Variants in EPHA7 observed in about 807,000 individuals in gnomAD.
EPHA7 encodes the protein ephrin type-A receptor 7.
Under a neutral mutation model 112.6 loss-of-function variants are expected in EPHA7, and 25 were observed. The ratio of observed to expected loss-of-function variants is 0.22; its 90% CI spans 0.16 to 0.31. The LOEUF (loss-of-function observed/expected upper bound fraction) is 0.31, where lower values mean the gene tolerates loss of function less well. EPHA7 is among the 10% of genes least tolerant of loss of function. The pLI is 1.00. For synonymous variants in EPHA7, 437 were observed against 406.5 expected (o/e 1.07, Z -0.90); for missense variants, 962 against 1,212.6 (o/e 0.79, Z 3.07).
In EPHA7 at chr6:93,419,217, A is replaced by G. The variant is rs780742547; in HGVS notation, c.97+28T>C. ...GTAGACATCTAAATAAATAAGTCAG[A>G]ACAAACTTTGCTTTCCCATCACCTT... On this transcript the variant is annotated intron_variant, in intron 1 of 16. Coordinates refer to ENST00000369303, the MANE Select transcript of EPHA7 (RefSeq NM_004440.4). The G allele has an allele frequency of 9.4e-6, 15 of 1,589,998 alleles. No individual in the cohort carries two copies. The South Asian group carries it at 1.5e-4, about 16-fold the overall frequency.
intron 5 of EPHA7, among the ~76,000 whole-genome samples, chr6:93,286,045 C>A (rs887940691): frequency 2.6e-5 from 4 of 152,066 alleles, no homozygotes; most frequent in African/African-American, 9.7e-5. Context: ...TATTACCTGG[C>A]CCTTTTCAGA....
At chr6:93,375,695 G>A (rs1418371645) in intron 3 of EPHA7, among the ~76,000 whole-genome samples, 1 of 150,224 alleles carries the variant, frequency 6.7e-6, no homozygotes, top group Non-Finnish European at 1.5e-5. Context: ...AATCAAAAAA[G>A]TAATGAAAAA....
chr6:93,254,842 T>A, intron 13 of EPHA7, 46 bp from the exon 14 acceptor site: 10 of 1,496,940 alleles, frequency 6.7e-6, no homozygotes, highest in Non-Finnish European at 8.2e-6. Context: ...TAATAACTGA[T>A]ATATTATTTA....
At chr6:93,366,173 T>G (rs1776499053) in intron 3 of EPHA7, among the ~76,000 whole-genome samples, 1 of 152,160 alleles carries the variant, frequency 6.6e-6, no homozygotes, top group African/African-American at 2.4e-5. Context: ...ATTCTAGTAT[T>G]ATTTTTGTCT....
intron 5 of EPHA7, among the ~76,000 whole-genome samples, chr6:93,345,709 A>G (rs1375148567): frequency 6.6e-6 from 1 of 151,798 alleles, no homozygotes; most frequent in African/African-American, 2.4e-5. Context: ...TGTAACTGAC[A>G]GATCTGAAAA....
intron 5 of EPHA7, among the ~76,000 whole-genome samples, chr6:93,330,145 G>A (rs1582532778): frequency 6.6e-6 from 1 of 151,210 alleles, no homozygotes; most frequent in African/African-American, 2.4e-5. Flanking sequence ...TAGGATGAAA[G>A]TGACTCTTTT....
intron 3 of EPHA7, among the ~76,000 whole-genome samples, chr6:93,362,421 A>G (rs1776307072): frequency 6.6e-6 from 1 of 152,092 alleles, no homozygotes; most frequent in South Asian, 2.1e-4. Flanking sequence ...TTTAAATAAT[A>G]TTTTTAATTT....
At chr6:93,283,387 C>T (rs889846186) in intron 5 of EPHA7, among the ~76,000 whole-genome samples, 4 of 152,046 alleles carry the variant, frequency 2.6e-5, no homozygotes, top group East Asian at 1.9e-4. Flanking sequence ...GCAGGCTGCC[C>T]GAGCCAGCAG....
In EPHA7 at chr6:93,340,094, A is replaced by C. The variant is rs57674249; in HGVS notation, c.1324+16623T>G. On this transcript the variant is annotated intron_variant, in intron 5 of 16. Transcript: ENST00000369303. ...CTCTTTGTTTAGCTATATATGCCTGATTATTACAGGAAGTATGTCAATACT... is the reference window on the plus strand; with the variant it reads ...CTCTTTGTTTAGCTATATATGCCTGCTTATTACAGGAAGTATGTCAATACT... Among the ~76,000 whole-genome samples the C allele has an allele frequency of 8.3e-3, 1,262 of 151,954 alleles. 17 individuals carry two copies. Among genetic ancestry groups the C allele is most frequent in the African/African-American group, 0.028 (1,157 of 41,556 alleles).
At chr6:93,255,691 A>T in intron 13 of EPHA7, 137 bp downstream of exon 13, 1 of 717,148 alleles carries the variant, frequency 1.4e-6, no homozygotes, top group Non-Finnish European at 2.3e-6. Context: ...AAAAAACAAA[A>T]AACAAAAAAA....
Position 93,279,303 on chromosome 6 carries a change from A to G in EPHA7, c.1325-6881T>C, listed in dbSNP as rs572014888. Among the ~76,000 whole-genome samples the G allele has an allele frequency of 3.9e-5, 6 of 152,224 alleles. No homozygotes were observed. The South Asian group carries it at 1.2e-3, about 32-fold the overall frequency. On this transcript the variant is annotated intron_variant, in intron 5 of 16. Coordinates refer to ENST00000369303, the MANE Select transcript of EPHA7 (RefSeq NM_004440.4). ...ATAACATATCATTTAACACATATAGATCTGCATCACTCTTTTATCAGCTCT... is the reference window on the plus strand; with the variant it reads ...ATAACATATCATTTAACACATATAGGTCTGCATCACTCTTTTATCAGCTCT...
chr6:93,308,291 C>T (rs969794246), intron 5 of EPHA7, among the ~76,000 whole-genome samples: 2 of 152,112 alleles, frequency 1.3e-5, no homozygotes, highest in Non-Finnish European at 2.9e-5. Flanking sequence ...AGTACACAGG[C>T]TTTTCAACAC....
chr6:93,353,784 T>C (rs754683731), intron 5 of EPHA7, among the ~76,000 whole-genome samples: 6 of 152,044 alleles, frequency 3.9e-5, no homozygotes, highest in Non-Finnish European at 7.4e-5. Context: ...TGTATATACC[T>C]CATAGTGGTA....
chr6:93,321,473 G>A (rs1283563625), intron 5 of EPHA7, among the ~76,000 whole-genome samples: 2 of 151,904 alleles, frequency 1.3e-5, no homozygotes, highest in African/African-American at 4.8e-5. Context: ...GGATATGACT[G>A]AGCTCACTAA....
At chr6:93,309,627 C>T (rs1441149603) in intron 5 of EPHA7, among the ~76,000 whole-genome samples, 2 of 151,924 alleles carry the variant, frequency 1.3e-5, no homozygotes, top group Admixed American at 1.3e-4. Flanking sequence ...ATTTCATAAA[C>T]TGTGATCCTA....
intron 16 of EPHA7, among the ~76,000 whole-genome samples, 181 bp downstream of exon 16, chr6:93,245,117 A>G (rs1312613316): frequency 6.6e-6 from 1 of 152,206 alleles, no homozygotes; most frequent in Non-Finnish European, 1.5e-5. Flanking sequence ...TAAAAAGGTA[A>G]TATGTTTAAA....
At chr6:93,322,277 T>G (rs934306723) in intron 5 of EPHA7, among the ~76,000 whole-genome samples, 7 of 151,774 alleles carry the variant, frequency 4.6e-5, no homozygotes, top group Admixed American at 1.3e-4. Flanking sequence ...AAGTAAAGTT[T>G]AAGATGGAAT....
chr6:93,320,938 T>G (rs1022777563), intron 5 of EPHA7, among the ~76,000 whole-genome samples: 4 of 151,932 alleles, frequency 2.6e-5, no homozygotes, highest in Admixed American at 6.6e-5. Context: ...AAATGTTATA[T>G]AGTTAGCAAG....
Position 93,243,518 on chromosome 6 carries a change from T to C in EPHA7, c.2905A>G (p.Thr969Ala). Residue 969 changes from threonine (T) to alanine (A), a missense_variant, in exon 17 of 17, where the codon ACA becomes GCA. Thr to Ala is a moderately conservative substitution (Grantham distance 58, BLOSUM62 0). Transcript: ENST00000369303. ...ATTTTCTTTTGATGACCAACCAGTGTGATCCCTAAACTCATCACATCCCTG... is the reference window on the plus strand; with the variant it reads ...ATTTTCTTTTGATGACCAACCAGTGCGATCCCTAAACTCATCACATCCCTG... The part of the protein sequence containing the change: ...TIEDVMSLGI[T>A]LVGHQKKIMS... 1.9e-6 allele frequency: 3 copies of C among 1,613,442 alleles called. 1 individual carries two copies.
Sources: gnomAD v4.1 joint callset for allele counts (sites outside exome capture counted in the v4.1 genomes callset) on GRCh38, gnomAD v4.1.1 for gene constraint, MANE v1.5 for transcripts, NCBI Gene and HGNC (gene_info 2026-07-23, HGNC 2026-07-21) for gene names.